LHFPL2: variants seen among roughly 807,000 people sequenced by gnomAD.
LHFPL2 encodes LHFPL tetraspan subfamily member 2 protein.
In LHFPL2, 7 loss-of-function variants were observed where a neutral mutation model predicts 17.5. That is an observed-to-expected ratio of 0.40 (90% CI 0.23 to 0.75). LHFPL2 has a LOEUF of 0.75. Among genes scored for constraint, LHFPL2 ranks in the 30% least tolerant of loss-of-function variants. LHFPL2 has a pLI of 0.37. For synonymous variants in LHFPL2, 134 were observed against 116.2 expected (o/e 1.15, Z -0.99); for missense variants, 241 against 294.8 (o/e 0.82, Z 1.34).
chr5:78,523,800 C>T (rs78906039), intron 3 of LHFPL2, among the ~76,000 whole-genome samples: 4,360 of 152,226 alleles, frequency 0.029, 207 homozygotes, highest in African/African-American at 0.098. Context: ...AATTTCTCAA[C>T]CCCAAACATT....
intron 3 of LHFPL2, among the ~76,000 whole-genome samples, chr5:78,561,341 C>T (rs191049118): frequency 6.6e-5 from 10 of 152,308 alleles, no homozygotes; most frequent in South Asian, 6.2e-4. Context: ...AGCAGCCACA[C>T]GGGGAGATGC....
intron 3 of LHFPL2, among the ~76,000 whole-genome samples, chr5:78,513,142 A>T (rs60335230): frequency 0.27 from 41,198 of 152,060 alleles, 5,838 homozygotes; most frequent in East Asian, 0.47. Context: ...TTGTATCTTA[A>T]TGACTACTCG....
chr5:78,538,398 T>C lies in LHFPL2; in HGVS notation c.-186+26415A>G, dbSNP rs140381642. Among the ~76,000 whole-genome samples, 116 of 152,320 alleles carry C rather than the reference T, an allele frequency of 7.6e-4. 1 individual carries two copies. The highest frequency in any genetic ancestry group is 3.4e-3 in the Middle Eastern group (1 of 294). ...GAGAATAAATGTAAAATTGCCAGGT[T>C]CTTTGCTTTTCTAGGGGGAAAAATC... On this transcript the variant is annotated intron_variant, in intron 3 of 4. Transcript: ENST00000380345.
intron 3 of LHFPL2, among the ~76,000 whole-genome samples, chr5:78,554,236 T>TTA (rs1756518120): frequency 6.6e-6 from 1 of 152,248 alleles, no homozygotes; most frequent in African/African-American, 2.4e-5. Context: ...CTGCACACGC[T>TTA]TACAGCGAGC....
intron 3 of LHFPL2, among the ~76,000 whole-genome samples, chr5:78,560,537 T>A (rs915410851): frequency 1.3e-5 from 2 of 152,028 alleles, no homozygotes; most frequent in African/African-American, 4.8e-5. Flanking sequence ...AGGAGGGGGA[T>A]CATTTAGCTG....
At chr5:78,562,634 CAAA>C (rs35163869) in intron 3 of LHFPL2, among the ~76,000 whole-genome samples, 11 of 113,102 alleles carry the variant, frequency 9.7e-5, no homozygotes, top group African/African-American at 6.8e-5. Flanking sequence ...GATTCCACCT[CAAA>C]AAAAAAAAAA....
At chr5:78,616,381 C>T (rs1003861567) in intron 2 of LHFPL2, among the ~76,000 whole-genome samples, 2 of 152,116 alleles carry the variant, frequency 1.3e-5, no homozygotes, top group African/African-American at 2.4e-5. Flanking sequence ...GCCGCCTCGC[C>T]CTCCCAAAGT....
At chr5:78,582,634 C>T (rs1313932521) in intron 2 of LHFPL2, among the ~76,000 whole-genome samples, 1 of 152,074 alleles carries the variant, frequency 6.6e-6, no homozygotes, top group East Asian at 1.9e-4. Context: ...AGTTTGATTG[C>T]ACTGTGGTCT....
chr5:78,648,223 C>T lies in LHFPL2; in HGVS notation c.-350+276G>A, dbSNP rs950566098. Among the ~76,000 whole-genome samples, 11 of 152,126 alleles carry T rather than the reference C, an allele frequency of 7.2e-5. No homozygotes were observed. The highest frequency in any genetic ancestry group is 2.2e-4 in the African/African-American group (9 of 41,442). ...CTTCCCGAGGAGACGCTGTTCCCGG[C>T]ACAACTTTTTTCCACTTCTGCGGCC... On this transcript the variant is annotated intron_variant, in intron 1 of 4. Coordinates refer to ENST00000380345, the MANE Select transcript of LHFPL2 (RefSeq NM_005779.3). The surrounding 1 kb of genome is among the most constrained non-coding windows in gnomAD (Gnocchi z 5.4).
At chr5:78,521,516 GAT>G (rs919886969) in intron 3 of LHFPL2, among the ~76,000 whole-genome samples, 6 of 152,154 alleles carry the variant, frequency 3.9e-5, no homozygotes, top group Non-Finnish European at 7.3e-5. Context: ...CAACACCATG[GAT>G]AGATTTAAAT....
intron 3 of LHFPL2, among the ~76,000 whole-genome samples, chr5:78,511,132 GACTT>G (rs775199199): frequency 4.4e-4 from 67 of 151,704 alleles, no homozygotes; most frequent in East Asian, 7.7e-4. Context: ...AAGAGTTCAT[GACTT>G]ACTTGGGGAA....
At chr5:78,581,537 A>C (rs1043030898) in intron 2 of LHFPL2, among the ~76,000 whole-genome samples, 2 of 152,106 alleles carry the variant, frequency 1.3e-5, no homozygotes, top group Admixed American at 6.5e-5. Flanking sequence ...TTCTGCATCT[A>C]CTGAGATAAT....
intron 2 of LHFPL2, among the ~76,000 whole-genome samples, chr5:78,603,135 ACCTG>A (rs1425515167): frequency 1.9e-4 from 29 of 152,120 alleles, no homozygotes; most frequent in Non-Finnish European, 3.7e-4. Context: ...CTCGTGATCC[ACCTG>A]CCTCGGCCTC....
chr5:78,509,488 CAGG>C (rs920938925), intron 4 of LHFPL2, among the ~76,000 whole-genome samples: 8 of 152,274 alleles, frequency 5.3e-5, no homozygotes, highest in Admixed American at 5.2e-4. Flanking sequence ...AAACAAAAAG[CAGG>C]AGTAGTTACT....
At chr5:78,637,838 G>T (rs1745509114) in intron 1 of LHFPL2, among the ~76,000 whole-genome samples, 1 of 152,102 alleles carries the variant, frequency 6.6e-6, no homozygotes. Flanking sequence ...GCCAATTCTT[G>T]GGCACAGTCA....
At chr5:78,534,377 G>A (rs1165394909) in intron 3 of LHFPL2, among the ~76,000 whole-genome samples, 1 of 152,166 alleles carries the variant, frequency 6.6e-6, no homozygotes, top group Non-Finnish European at 1.5e-5. Flanking sequence ...GTGTGTCCTC[G>A]AGCAGGCTGC....
chr5:78,629,709 A>G (rs929573499), intron 2 of LHFPL2, among the ~76,000 whole-genome samples: 7 of 152,244 alleles, frequency 4.6e-5, no homozygotes, highest in African/African-American at 1.7e-4. Flanking sequence ...TGCTAATGTC[A>G]CTGGAGTCCC....
intron 2 of LHFPL2, among the ~76,000 whole-genome samples, chr5:78,627,735 G>A (rs1187026694): frequency 2.6e-5 from 4 of 152,160 alleles, no homozygotes; most frequent in Non-Finnish European, 4.4e-5. Context: ...GAACAGAACT[G>A]CATTCACCTG....
chr5:78,632,260 C>G lies in LHFPL2; in HGVS notation c.-245+4G>C, dbSNP rs1199696877. On this transcript the variant is annotated splice_donor_region_variant and intron_variant, in intron 2 of 4. Transcript: ENST00000380345. ...TGTCATATCTAGGTATAAGGACAAC[C>G]CACCTGGCTGTGAGCAGTCCCAGGT... 3 of 152,204 alleles carry G rather than the reference C, an allele frequency of 2.0e-5. No homozygotes were observed. Among genetic ancestry groups the G allele is most frequent in the Non-Finnish European group, 4.4e-5 (3 of 68,048 alleles). The allele number at this position is 152,204 out of a possible 1,614,324, so 9.4% of individuals were successfully genotyped here. A position where few individuals can be genotyped will look rare whatever the true frequency, so the allele number is the denominator to read the frequency against.
Sources: gnomAD v4.1 joint callset for allele counts (sites outside exome capture counted in the v4.1 genomes callset) on GRCh38, gnomAD v4.1.1 for gene constraint, Gnocchi (gnomAD v3.1) non-coding constraint, MANE v1.5 for transcripts, NCBI Gene and HGNC (gene_info 2026-07-23, HGNC 2026-07-21) for gene names.